DDAH1: variants seen among roughly 807,000 people sequenced by gnomAD.
DDAH1 encodes the protein N(G),N(G)-dimethylarginine dimethylaminohydrolase 1.
A neutral mutation model predicts 28.8 loss-of-function variants in DDAH1; 19 were observed. That is an observed-to-expected ratio of 0.66 (90% confidence interval 0.46 to 0.97). DDAH1 has a LOEUF of 0.97. Ranked by LOEUF, DDAH1 falls within the 50% of genes least tolerant of loss-of-function variation. DDAH1 has a pLI of 0.00. For synonymous variants in DDAH1, 153 were observed against 154.4 expected, an observed-to-expected ratio of 0.99 and a Z score of 0.07; for missense variants, 326 against 375.9, an observed-to-expected ratio of 0.87 and a Z score of 1.10.
Position 85,318,511 on chromosome 1 carries a change from C to G in DDAH1, c.*2941G>C, listed in dbSNP as rs1433794467. On this transcript the variant is annotated 3_prime_UTR_variant, in exon 6 of 6. Transcript: ENST00000284031. ...CACAGTACAACTCAACACTTTATTC[C>G]ATTGTGATTGGTATACATGTAAGAT... The G allele has an allele frequency of 2.0e-5, 3 of 152,576 alleles. No individual in the cohort carries two copies. Among genetic ancestry groups the G allele is most frequent in the Non-Finnish European group, 4.4e-5 (3 of 68,040 alleles). The allele number at this position is 152,576 out of a possible 1,614,324, so 9.5% of individuals were successfully genotyped here. A position where few individuals can be genotyped will look rare whatever the true frequency, so the allele number is the denominator to read the frequency against.
At chr1:85,426,673 C>T (rs542748893) in intron 1 of DDAH1, among the ~76,000 whole-genome samples, 1 of 152,010 alleles carries the variant, frequency 6.6e-6, no homozygotes, top group African/African-American at 2.4e-5. Flanking sequence ...TTTGGGAGGT[C>T]GAGGTGGGAG....
At chr1:85,366,548 A>G (rs1650087077) in intron 1 of DDAH1, among the ~76,000 whole-genome samples, 1 of 152,172 alleles carries the variant, frequency 6.6e-6, no homozygotes, top group African/African-American at 2.4e-5. Context: ...AGACTTCTAA[A>G]AGTTGCAGTC....
At chr1:85,419,484 T>C (rs111645933) in intron 1 of DDAH1, among the ~76,000 whole-genome samples, 9 of 132,762 alleles carry the variant, frequency 6.8e-5, no homozygotes, top group African/African-American at 2.6e-4. Context: ...AGGTTGCAGT[T>C]AGCCAAGATC....
At chr1:85,430,610 G>C (rs568455737) in intron 1 of DDAH1, among the ~76,000 whole-genome samples, 1 of 151,950 alleles carries the variant, frequency 6.6e-6, no homozygotes. Context: ...GAAGAGGTTC[G>C]TCACATCCCT....
chr1:85,486,978 C>T (rs1656228519), intron 2 of DDAH1, among the ~76,000 whole-genome samples: 1 of 152,060 alleles, frequency 6.6e-6, no homozygotes, highest in South Asian at 2.1e-4. Flanking sequence ...AGATATTAAA[C>T]AGAAATAAAA....
intron 4 of DDAH1, among the ~76,000 whole-genome samples, chr1:85,327,151 G>C (rs1053351730): frequency 6.6e-6 from 1 of 152,168 alleles, no homozygotes; most frequent in Non-Finnish European, 1.5e-5. Flanking sequence ...TTTGAGACCA[G>C]CCTGGGCAAC....
At chr1:85,551,984 A>G (rs1310239397) in intron 1 of DDAH1, among the ~76,000 whole-genome samples, 1 of 152,206 alleles carries the variant, frequency 6.6e-6, no homozygotes, top group African/African-American at 2.4e-5. Flanking sequence ...GAAGGTTTCC[A>G]AGGAGGCTGA....
At chr1:85,542,788 T>C (rs1658509081) in intron 1 of DDAH1, among the ~76,000 whole-genome samples, 1 of 152,192 alleles carries the variant, frequency 6.6e-6, no homozygotes, top group Non-Finnish European at 1.5e-5. Context: ...TGGCCCATAA[T>C]GTCAAAGAAA....
chr1:85,408,293 CTTTT>C (rs36103030), intron 1 of DDAH1, among the ~76,000 whole-genome samples: 1 of 145,598 alleles, frequency 6.9e-6, no homozygotes. Flanking sequence ...CTCCTTCTTC[CTTTT>C]TTTTTTTTTA....
At chr1:85,568,570 C>T (rs1291471266) in intron 1 of DDAH1, among the ~76,000 whole-genome samples, 2 of 152,152 alleles carry the variant, frequency 1.3e-5, no homozygotes. Flanking sequence ...ACCAGAAACA[C>T]ACGTTTACCC....
chr1:85,432,784 A>G (rs898399678), intron 1 of DDAH1, among the ~76,000 whole-genome samples: 6 of 152,216 alleles, frequency 3.9e-5, no homozygotes, highest in African/African-American at 7.2e-5. Flanking sequence ...TAAGGCATCT[A>G]AAAATCAACA....
chr1:85,567,978 C>T (rs1173945858), intron 1 of DDAH1, among the ~76,000 whole-genome samples: 2 of 152,114 alleles, frequency 1.3e-5, no homozygotes, highest in African/African-American at 4.8e-5. Context: ...AAGTTAAACA[C>T]AGTTTATTTT....
intron 1 of DDAH1, among the ~76,000 whole-genome samples, chr1:85,371,642 GAAC>G (rs2100887168): frequency 6.6e-6 from 1 of 152,272 alleles, no homozygotes; most frequent in African/African-American, 2.4e-5. Flanking sequence ...TATATAGCAA[GAAC>G]AACTTTCAAA....
At chr1:85,458,960 T>C (rs1404571683) in intron 1 of DDAH1, among the ~76,000 whole-genome samples, 1 of 152,176 alleles carries the variant, frequency 6.6e-6, no homozygotes, top group South Asian at 2.1e-4. Context: ...CTTTCTGAAA[T>C]GGTTACAGAT....
chr1:85,549,597 G>C (rs1476800543), intron 1 of DDAH1, among the ~76,000 whole-genome samples: 1 of 152,186 alleles, frequency 6.6e-6, no homozygotes, highest in African/African-American at 2.4e-5. Flanking sequence ...TGTTAAGCCT[G>C]AATCTTGGAT....
chr1:85,477,034 G>A (rs556448616), intron 2 of DDAH1, among the ~76,000 whole-genome samples: 3 of 152,168 alleles, frequency 2.0e-5, no homozygotes, highest in East Asian at 3.9e-4. Flanking sequence ...GTATAATAAC[G>A]TAAATCCCAT....
At chr1:85,548,264 C>G (rs561765233) in intron 1 of DDAH1, among the ~76,000 whole-genome samples, 78 of 152,208 alleles carry the variant, frequency 5.1e-4, no homozygotes, top group African/African-American at 1.8e-3. Context: ...TTTTGTTTAA[C>G]TCTCATTAGC....
chr1:85,455,444 T>C (rs75390800), intron 1 of DDAH1, among the ~76,000 whole-genome samples: 1 of 152,218 alleles, frequency 6.6e-6, no homozygotes, highest in East Asian at 1.9e-4. Context: ...TCTTTTTCTT[T>C]TTTTTTGTCT....
At chr1:85,430,474 A>C (rs1390404592) in intron 1 of DDAH1, among the ~76,000 whole-genome samples, 1 of 152,222 alleles carries the variant, frequency 6.6e-6, no homozygotes. Context: ...CATTGAATCT[A>C]TAAATTACTT....
Sources: allele counts gnomAD v4.1 joint callset (sites outside exome capture counted in the v4.1 genomes callset), GRCh38; gene constraint gnomAD v4.1.1; transcripts MANE v1.5; gene names NCBI Gene and HGNC (gene_info 2026-07-23, HGNC 2026-07-21).